TRPM3: variants seen among roughly 807,000 people sequenced by gnomAD.
TRPM3 encodes transient receptor potential cation channel subfamily M member 3.
Under a neutral mutation model 181.2 loss-of-function variants are expected in TRPM3, and 77 were observed. The observed-to-expected ratio is 0.42, with a 90% CI of 0.35 to 0.51. The LOEUF (loss-of-function observed/expected upper bound fraction) is 0.51. Ranked by LOEUF, TRPM3 falls within the 20% of genes least tolerant of loss-of-function variation. The pLI is 0.01. For synonymous variants in TRPM3, 745 were observed against 796.4 expected (o/e 0.94, Z 1.09); for missense variants, 1,759 against 2,196.7 (o/e 0.80, Z 3.98).
At chr9:71,373,960 G>C (rs959216908) in intron 1 of TRPM3, among the ~76,000 whole-genome samples, 4 of 152,212 alleles carry the variant, frequency 2.6e-5, no homozygotes, top group African/African-American at 9.7e-5. Context: ...GTGATGTAAG[G>C]TTGGTTCAAC....
At chr9:70,946,485 G>A (rs2096934944) in intron 1 of TRPM3, among the ~76,000 whole-genome samples, 1 of 151,810 alleles carries the variant, frequency 6.6e-6, no homozygotes, top group African/African-American at 2.4e-5. Context: ...TTCTAGGGTT[G>A]TTATAATTAA....
At chr9:70,540,704 C>T (rs1394774804) in intron 25 of TRPM3, among the ~76,000 whole-genome samples, 1 of 152,140 alleles carries the variant, frequency 6.6e-6, no homozygotes, top group Admixed American at 6.5e-5. Flanking sequence ...ATCCTGCCTC[C>T]TGTTATTTAG....
intron 1 of TRPM3, among the ~76,000 whole-genome samples, chr9:71,342,382 C>A (rs1049027628): frequency 1.3e-5 from 2 of 149,872 alleles, no homozygotes; most frequent in African/African-American, 4.9e-5. Context: ...ATGAATATGC[C>A]CAAATAGAAA....
At chr9:70,912,819 T>C (rs1287807584) in intron 1 of TRPM3, among the ~76,000 whole-genome samples, 4 of 152,174 alleles carry the variant, frequency 2.6e-5, no homozygotes, top group Non-Finnish European at 5.9e-5. Context: ...TCTCTCACCA[T>C]TTACAATGCT....
At chr9:71,012,746 A>G (rs538200642) in intron 1 of TRPM3, among the ~76,000 whole-genome samples, 37 of 151,834 alleles carry the variant, frequency 2.4e-4, no homozygotes, top group Non-Finnish European at 5.0e-4. Flanking sequence ...TTTATTTTAT[A>G]TTTTAATATT....
At chr9:71,030,512 C>T (rs1030929335) in intron 1 of TRPM3, among the ~76,000 whole-genome samples, 14 of 151,658 alleles carry the variant, frequency 9.2e-5, no homozygotes, top group South Asian at 2.1e-4. Context: ...TTGCAGTGAG[C>T]CAAGATCATG....
chr9:70,658,251 G>T (rs1421929944), intron 9 of TRPM3, among the ~76,000 whole-genome samples: 39 of 152,026 alleles, frequency 2.6e-4, no homozygotes, highest in Admixed American at 2.6e-3. Context: ...TTATCACTTT[G>T]GTCAAATGAG....
rs987648845 is a variant in TRPM3, at chr9:70,837,065, G to C, written c.801+5938C>G. On this transcript the variant is annotated intron_variant, in intron 5 of 25. Transcript: ENST00000677713. ...TGTCTGGTATAATTATAACAGATTT[G>C]GGCGGGTGTCCTTGTCTCCGACCTT... is the stretch of plus-strand genomic sequence containing the variant. Among the ~76,000 whole-genome samples the C allele has an allele frequency of 2.6e-4, 39 of 152,136 alleles. 2 individuals carry two copies. Among genetic ancestry groups the C allele is most frequent in the Non-Finnish European group, 2.9e-5 (2 of 68,030 alleles).
chr9:71,005,390 GA>G (rs1411712501), intron 1 of TRPM3, among the ~76,000 whole-genome samples: 1 of 151,788 alleles, frequency 6.6e-6, no homozygotes, highest in African/African-American at 2.4e-5. Context: ...TGGGCAACTA[GA>G]GTGAAACTCC....
intron 1 of TRPM3, among the ~76,000 whole-genome samples, chr9:71,117,591 A>G (rs1035932205): frequency 6.6e-6 from 1 of 152,128 alleles, no homozygotes; most frequent in Non-Finnish European, 1.5e-5. Flanking sequence ...ATCAAGTTAC[A>G]GAAAGATTAA....
At chr9:71,076,970 G>C (rs770829284) in intron 1 of TRPM3, among the ~76,000 whole-genome samples, 3 of 152,160 alleles carry the variant, frequency 2.0e-5, no homozygotes, top group Non-Finnish European at 2.9e-5. Context: ...CAATTTCCCT[G>C]AGATTCAAAC....
intron 1 of TRPM3, among the ~76,000 whole-genome samples, chr9:70,941,827 T>C (rs2096888832): frequency 6.6e-6 from 1 of 152,220 alleles, no homozygotes; most frequent in Non-Finnish European, 1.5e-5. Context: ...TGAAAACTTA[T>C]TGGACTCTTT....
At chr9:70,852,601 A>G (rs975806465) in intron 3 of TRPM3, among the ~76,000 whole-genome samples, 5 of 152,326 alleles carry the variant, frequency 3.3e-5, no homozygotes, top group Admixed American at 1.3e-4. Context: ...TTACAGCAAC[A>G]GCCTCCTACT....
At chr9:71,100,024 A>G (rs2068047967) in intron 1 of TRPM3, among the ~76,000 whole-genome samples, 1 of 152,106 alleles carries the variant, frequency 6.6e-6, no homozygotes, top group African/African-American at 2.4e-5. Flanking sequence ...ACATGCCTTC[A>G]TTTTAGAAGT....
intron 1 of TRPM3, chr9:70,917,136 C>T (rs1326477204): frequency 2.1e-5 from 34 of 1,605,400 alleles, no homozygotes; most frequent in East Asian, 4.5e-5. Context: ...CGGATGAGTT[C>T]GGCCACATCT....
intron 1 of TRPM3, among the ~76,000 whole-genome samples, chr9:71,161,817 T>C (rs965060300): frequency 3.3e-5 from 5 of 152,120 alleles, no homozygotes; most frequent in South Asian, 2.1e-4. Context: ...TAATATACTG[T>C]ATAGAGATAA....
At chr9:70,551,123 A>G (rs1564282425) in intron 24 of TRPM3, among the ~76,000 whole-genome samples, 1 of 152,210 alleles carries the variant, frequency 6.6e-6, no homozygotes, top group Non-Finnish European at 1.5e-5. Context: ...ATAAAATACT[A>G]TTTTTTAAAA....
rs1464777055 is a variant in TRPM3 at position 70,963,351 on chromosome 9, C to T, written c.178-98840G>A. The stretch of plus-strand genomic sequence containing the variant: ...CTTCAGAAATGTGGTTCAGTAAAAG[C>T]AGCTAGACACACCAAACAATACATA... On this transcript the variant is annotated intron_variant, in intron 1 of 25. Transcript: ENST00000677713. Among the ~76,000 whole-genome samples, 4 of 152,174 alleles carry T rather than the reference C, an allele frequency of 2.6e-5. No homozygotes were observed. The East Asian group carries it at 7.7e-4, about 29-fold the overall frequency.
At chr9:70,655,859 G>A (rs1270030161) in intron 9 of TRPM3, among the ~76,000 whole-genome samples, 1 of 110,662 alleles carries the variant, frequency 9.0e-6, no homozygotes, top group Non-Finnish European at 2.2e-5. Context: ...AAAGTCTAAG[G>A]TAGGAAAAAA....
Sources: gnomAD v4.1 joint callset for allele counts (sites outside exome capture counted in the v4.1 genomes callset) on GRCh38, gnomAD v4.1.1 for gene constraint, MANE v1.5 for transcripts, NCBI Gene and HGNC (gene_info 2026-07-23, HGNC 2026-07-21) for gene names.